Variants in ADGRV1 observed in about 807,000 individuals in gnomAD.
The protein encoded by ADGRV1 is G-protein coupled receptor 98.
A neutral mutation model predicts 596.2 loss-of-function variants in ADGRV1; 359 were observed. The observed-to-expected ratio is 0.60, with a 90% CI of 0.55 to 0.66. The LOEUF (loss-of-function observed/expected upper bound fraction) is 0.66, where lower values mean the gene tolerates loss of function less well. ADGRV1 is among the 30% of genes least tolerant of loss of function. The pLI, the probability that ADGRV1 is intolerant of heterozygous loss-of-function variation, is 0.00. For synonymous variants in ADGRV1, 2,681 were observed against 2,679.2 expected (o/e 1.00, Z -0.02); for missense variants, 7,274 against 7,575.6 (o/e 0.96, Z 1.48).
chr5:90,923,583 C>T (rs1774091999), intron 83 of ADGRV1, among the ~76,000 whole-genome samples: 1 of 152,092 alleles, frequency 6.6e-6, no homozygotes, highest in Admixed American at 6.6e-5. Context: ...GTCAGTGTTG[C>T]AAGCTGCAAT....
intron 84 of ADGRV1, among the ~76,000 whole-genome samples, chr5:90,976,320 G>A (rs529300821): frequency 0.12 from 13,274 of 108,642 alleles, 781 homozygotes; most frequent in Non-Finnish European, 0.17. Context: ...GTGTGTGTGT[G>A]TGTATATATA....
At chr5:90,624,482 A>G (rs901329795) in intron 5 of ADGRV1, among the ~76,000 whole-genome samples, 7 of 152,142 alleles carry the variant, frequency 4.6e-5, no homozygotes, top group Admixed American at 1.3e-4. Context: ...TAATATTGCC[A>G]TATACTGTTG....
In ADGRV1 at chr5:91,060,390, A is replaced by G. The variant is rs199814570; in HGVS notation, c.18153-12057A>G. Among the ~76,000 whole-genome samples the G allele has an allele frequency of 6.1e-3, 850 of 139,492 alleles. 23 individuals are homozygous for G. In the East Asian group the frequency reaches 0.091, roughly 15 times the overall value. The allele number at this position is 139,492 out of a possible 152,430, so 91.5% of individuals were successfully genotyped here. On this transcript the variant is annotated intron_variant, in intron 85 of 89. Coordinates refer to ENST00000405460, the MANE Select transcript of ADGRV1 (RefSeq NM_032119.4). ...TATATGTGTGTGTGTATATATATATATATATATATTTTTTTTTTTAATAGA... is the reference window on the plus strand; with the variant it reads ...TATATGTGTGTGTGTATATATATATGTATATATATTTTTTTTTTTAATAGA...
chr5:90,801,682 A>G (rs537634843), intron 70 of ADGRV1, among the ~76,000 whole-genome samples: 2 of 152,298 alleles, frequency 1.3e-5, no homozygotes, highest in Non-Finnish European at 2.9e-5. Flanking sequence ...TAAATTCATT[A>G]TATTTAAAAG....
intron 71 of ADGRV1, among the ~76,000 whole-genome samples, chr5:90,804,166 G>A (rs1448270227): frequency 6.6e-6 from 1 of 152,162 alleles, no homozygotes; most frequent in Non-Finnish European, 1.5e-5. Context: ...AATTTGGGAG[G>A]CCCAGGTGGG....
rs116898557 is a variant in ADGRV1 at position 90,565,105 on chromosome 5, C to T, written c.22+6188C>T. ...CAAAAAAATTAGCTGGGCGTGTTGG[C>T]GGGCGCCTGTATTGCCAACTACTTG... On this transcript the variant is annotated intron_variant, in intron 1 of 89. Transcript: ENST00000405460. 9.1e-4 allele frequency among the ~76,000 whole-genome samples: 139 copies of T among 152,132 alleles called. 2 individuals are homozygous for T. In the East Asian group the frequency reaches 0.023, roughly 26 times the overall value.
intron 85 of ADGRV1, among the ~76,000 whole-genome samples, chr5:91,051,665 G>A (rs1786342290): frequency 6.7e-6 from 1 of 149,424 alleles, no homozygotes; most frequent in Non-Finnish European, 1.5e-5. Flanking sequence ...TCCTGCCTCA[G>A]CCTCCCGAGT....
chr5:90,759,641 A>G (rs1251076997), intron 58 of ADGRV1, 53 bp downstream of exon 58: 1 of 1,500,596 alleles, frequency 6.7e-7, no homozygotes, highest in Non-Finnish European at 9.2e-7. Flanking sequence ...GTTTCATGTA[A>G]TTTTGAGTAG....
At chr5:91,060,398 A>ATATATATATTT (rs796332430) in intron 85 of ADGRV1, among the ~76,000 whole-genome samples, 19 of 60,470 alleles carry the variant, frequency 3.1e-4, no homozygotes, top group African/African-American at 7.9e-4. Context: ...ATATATATAT[A>ATATATATATTT]TTTTTTTTTT....
chr5:90,963,269 A>G (rs1289709207), intron 83 of ADGRV1, among the ~76,000 whole-genome samples: 2 of 152,140 alleles, frequency 1.3e-5, no homozygotes, highest in East Asian at 3.9e-4. Context: ...AAACCATACC[A>G]TACTCTTAAG....
intron 32 of ADGRV1, 46 bp downstream of exon 32, chr5:90,692,832 G>A: frequency 7.0e-7 from 1 of 1,436,356 alleles, no homozygotes; most frequent in East Asian, 2.5e-5. Flanking sequence ...TGAGAATTGT[G>A]GGGTGGTGGG....
At chr5:90,697,453 T>C (rs1178205990) in intron 34 of ADGRV1, among the ~76,000 whole-genome samples, 1 of 152,060 alleles carries the variant, frequency 6.6e-6, no homozygotes, top group Non-Finnish European at 1.5e-5. Flanking sequence ...CATAGGTTTC[T>C]TTGTGAGGAT....
chr5:90,721,892 A>G (rs1199847849), intron 45 of ADGRV1, among the ~76,000 whole-genome samples: 2 of 152,316 alleles, frequency 1.3e-5, no homozygotes, highest in Middle Eastern at 3.4e-3. Flanking sequence ...AGGCATAAAA[A>G]GCACACATAA....
At chr5:91,127,916 A>C (rs910067210) in intron 87 of ADGRV1, among the ~76,000 whole-genome samples, 1 of 152,164 alleles carries the variant, frequency 6.6e-6, no homozygotes, top group African/African-American at 2.4e-5. Context: ...TAGTTTTACA[A>C]GTCTTCAGAG....
chr5:90,729,857 C>A, intron 50 of ADGRV1, 93 bp downstream of exon 50: 2 of 1,292,812 alleles, frequency 1.5e-6, no homozygotes, highest in Non-Finnish European at 1.1e-6. Context: ...TATCACATTG[C>A]CAGACACTGG....
chr5:91,136,564 A>G (rs1794655294), intron 87 of ADGRV1, among the ~76,000 whole-genome samples: 1 of 152,224 alleles, frequency 6.6e-6, no homozygotes, highest in Non-Finnish European at 1.5e-5. Context: ...CTTTGTGCAA[A>G]TTCTTTTAGT....
intron 7 of ADGRV1, 43 bp from the exon 8 acceptor site, chr5:90,628,519 A>G (rs766958728): frequency 1.3e-6 from 2 of 1,544,796 alleles, no homozygotes; most frequent in African/African-American, 2.7e-5. Context: ...AGGGAAATAA[A>G]GTGTACTATG....
chr5:90,925,210 G>A (rs1174236982), intron 83 of ADGRV1, among the ~76,000 whole-genome samples: 13 of 151,860 alleles, frequency 8.6e-5, no homozygotes, highest in South Asian at 2.1e-4. Context: ...GAATCTGTAA[G>A]TTACCTTGGG....
intron 81 of ADGRV1, 151 bp from the exon 82 acceptor site, chr5:90,855,590 G>GTTCC: frequency 1.8e-6 from 1 of 570,770 alleles, no homozygotes; most frequent in Non-Finnish European, 3.1e-6. Context: ...TGGACAAGAT[G>GTTCC]TTCCCTTCAC....
Sources: gnomAD v4.1 joint callset for allele counts (sites outside exome capture counted in the v4.1 genomes callset) on GRCh38, gnomAD v4.1.1 for gene constraint, MANE v1.5 for transcripts, NCBI Gene and HGNC (gene_info 2026-07-23, HGNC 2026-07-21) for gene names.